The following WNK2 variants were observed in gnomAD, a reference collection of about 807,000 sequenced individuals.
The protein encoded by WNK2 is WNK lysine deficient protein kinase 2.
Under a neutral mutation model 192.1 loss-of-function variants are expected in WNK2, and 67 were observed. That is an observed-to-expected ratio of 0.35 (90% CI 0.29 to 0.43). The LOEUF (loss-of-function observed/expected upper bound fraction) is 0.43, where lower values mean the gene tolerates loss of function less well. WNK2 is among the 20% of genes least tolerant of loss of function. The pLI is 1.00. For synonymous variants in WNK2, 1,439 were observed against 1,393.9 expected (o/e 1.03, Z -0.72); for missense variants, 2,698 against 3,089.7 (o/e 0.87, Z 3.01).
At chr9:93,225,347 G>T (rs563906433) in intron 2 of WNK2, among the ~76,000 whole-genome samples, 1 of 152,332 alleles carries the variant, frequency 6.6e-6, no homozygotes, top group African/African-American at 2.4e-5. Context: ...AGTGAGCTAT[G>T]ATCACACCAC....
At chr9:93,308,800 G>C in intron 28 of WNK2, 2 of 1,421,764 alleles carry the variant, frequency 1.4e-6, no homozygotes, top group South Asian at 3.0e-5. Flanking sequence ...CAGGTGGAAA[G>C]GACAGGCCAG....
chr9:93,262,335 C>A (rs1314888006), intron 13 of WNK2, among the ~76,000 whole-genome samples: 1 of 152,232 alleles, frequency 6.6e-6, no homozygotes, highest in Non-Finnish European at 1.5e-5. Context: ...TTCCCTGGGA[C>A]AGGATGCAAG....
chr9:93,318,619 T>C (rs1438819480), intron 29 of WNK2: 6 of 1,593,258 alleles, frequency 3.8e-6, no homozygotes, highest in Middle Eastern at 2.1e-4. Flanking sequence ...TGGAGACAAG[T>C]GCAGCTCCTC....
intron 4 of WNK2, among the ~76,000 whole-genome samples, chr9:93,234,485 G>T (rs1387329447): frequency 6.6e-6 from 1 of 152,240 alleles, no homozygotes; most frequent in Non-Finnish European, 1.5e-5. Flanking sequence ...GGCGTACTCA[G>T]GGTTTTGCCT....
At chr9:93,228,796 G>A (rs185619148) in intron 2 of WNK2, among the ~76,000 whole-genome samples, 3 of 152,306 alleles carry the variant, frequency 2.0e-5, no homozygotes, top group Non-Finnish European at 4.4e-5. Context: ...GTATTTGGGG[G>A]AAGGGAAGGG....
chr9:93,186,599 G>A (rs1286982527), intron 2 of WNK2, among the ~76,000 whole-genome samples: 1 of 152,224 alleles, frequency 6.6e-6, no homozygotes, highest in Non-Finnish European at 1.5e-5. Context: ...CGGGGCTGGG[G>A]CTAGCTGGGG....
chr9:93,263,784 G>C, intron 15 of WNK2, 50 bp downstream of exon 15: 2 of 330,248 alleles, frequency 6.1e-6, no homozygotes, highest in Non-Finnish European at 1.2e-5. Context: ...GGGCATGGTG[G>C]GGGTGTGGTG....
intron 23 of WNK2, among the ~76,000 whole-genome samples, chr9:93,293,522 G>T (rs936993245): frequency 6.6e-6 from 1 of 152,104 alleles, no homozygotes; most frequent in Non-Finnish European, 1.5e-5. Context: ...GTTTCACCAT[G>T]TTGGCCAGGC....
chr9:93,282,991 AGAT>A (rs1310360345), intron 19 of WNK2, among the ~76,000 whole-genome samples: 1 of 152,242 alleles, frequency 6.6e-6, no homozygotes, highest in African/African-American at 2.4e-5. Flanking sequence ...ATTAACTAGA[AGAT>A]AACTAGAAAA....
intron 2 of WNK2, among the ~76,000 whole-genome samples, chr9:93,215,629 G>A (rs958610613): frequency 6.6e-6 from 1 of 151,972 alleles, no homozygotes; most frequent in Non-Finnish European, 1.5e-5. Context: ...TCAATAGATG[G>A]GTTTAATTTT....
chr9:93,213,016 G>A (rs1213118496), intron 2 of WNK2, among the ~76,000 whole-genome samples: 1 of 151,992 alleles, frequency 6.6e-6, no homozygotes, highest in Non-Finnish European at 1.5e-5. Flanking sequence ...TCTCAGTCAA[G>A]GAGGAGAGAT....
chr9:93,232,029 A>G (rs751762793), intron 4 of WNK2, among the ~76,000 whole-genome samples: 9 of 152,246 alleles, frequency 5.9e-5, no homozygotes, highest in Non-Finnish European at 1.3e-4. Flanking sequence ...GTCGGGGCTC[A>G]GGAAGCCCAG....
At chr9:93,209,763 G>A (rs865830170) in intron 2 of WNK2, among the ~76,000 whole-genome samples, 1 of 152,282 alleles carries the variant, frequency 6.6e-6, no homozygotes. Context: ...TGGAGTGCGT[G>A]CTGAAAGTCA....
chr9:93,309,698 T>A (rs890501964), intron 28 of WNK2, among the ~76,000 whole-genome samples: 6 of 152,226 alleles, frequency 3.9e-5, no homozygotes, highest in Admixed American at 3.9e-4. Flanking sequence ...TTGTGTTTGA[T>A]AGTCTTTATT....
chr9:93,261,181 A>G (rs145119204), intron 12 of WNK2, among the ~76,000 whole-genome samples: 1 of 152,278 alleles, frequency 6.6e-6, no homozygotes, highest in Non-Finnish European at 1.5e-5. Flanking sequence ...CAGCAGGCCC[A>G]GTGAATGTGG....
Position 93,308,426 on chromosome 9 carries a change from A to G in WNK2, c.6358A>G (p.Thr2120Ala). 6.2e-7 allele frequency: 1 copy of G among 1,605,934 alleles called. No individual in the cohort carries two copies. ...GAACAACAGCAACAACAAGAAGGGTACCTTCACGGACGACCTGCACAAGCT... is the reference window on the plus strand; with the variant it reads ...GAACAACAGCAACAACAAGAAGGGTGCCTTCACGGACGACCTGCACAAGCT... ...QVNNSNNKKG[T>A]FTDDLHKLVD... The change falls in exon 28 of 30, where the codon ACC becomes GCC. Residue 2120 changes from threonine to alanine, a missense_variant. Thr to Ala is a moderately conservative substitution (Grantham distance 58). Transcript: ENST00000427277.
chr9:93,235,350 C>T (rs1839624755), intron 5 of WNK2, among the ~76,000 whole-genome samples: 1 of 152,250 alleles, frequency 6.6e-6, no homozygotes, highest in South Asian at 2.1e-4. Flanking sequence ...CTCTGGGCCG[C>T]CCATGGCTGC....
chr9:93,259,105 G>T lies in WNK2; in HGVS notation c.2557G>T (p.Ala853Ser). 1 of 1,611,950 alleles carries T rather than the reference G, an allele frequency of 6.2e-7. No individual in the cohort carries two copies. Among genetic ancestry groups the T allele is most frequent in the Non-Finnish European group, 8.5e-7 (1 of 1,179,374 alleles). Residue 853 changes from alanine (A) to serine (S), a missense_variant, in exon 12 of 30, where the codon GCC becomes TCC. By Grantham distance (99) the Ala-to-Ser change is moderately conservative. This residue lies in a region of WNK2 where 893 missense variants were observed against 909.0 expected (regional missense o/e 0.98). Coordinates refer to ENST00000427277, the MANE Select transcript of WNK2 (RefSeq NM_006648.4). The surrounding 1 kb of genome is among the most constrained non-coding windows in gnomAD (Gnocchi z 4.8). ...TGCCCCACTCCCCCCTGCGTCCCCA[G>T]CCTTGCCTCTGCAGGCTGTGAAGCT... ...LAAPLPPASP[A>S]LPLQAVKLPH... is the part of the protein sequence containing the mutation.
intron 19 of WNK2, among the ~76,000 whole-genome samples, chr9:93,277,867 G>GA (rs1041098808): frequency 6.6e-6 from 1 of 152,042 alleles, no homozygotes; most frequent in Non-Finnish European, 1.5e-5. Context: ...TACCTGTGTT[G>GA]AAAAAAGATG....
Sources: allele counts gnomAD v4.1 joint callset (sites outside exome capture counted in the v4.1 genomes callset), GRCh38; gene constraint gnomAD v4.1.1; regional missense constraint gnomAD v4.1.1; non-coding constraint Gnocchi (gnomAD v3.1); transcripts MANE v1.5; gene names NCBI Gene and HGNC (gene_info 2026-07-23, HGNC 2026-07-21).